Variants in EYS observed in about 807,000 individuals in gnomAD.
EYS encodes the protein protein eyes shut homolog.
EYS carries 250 observed loss-of-function variants against 282.1 expected under a neutral mutation model. The observed-to-expected ratio is 0.89, with a 90% CI of 0.80 to 0.98. EYS has a LOEUF of 0.98. Among genes scored for constraint, EYS ranks in the 50% least tolerant of loss-of-function variants. The probability of loss-of-function intolerance (pLI) is 0.00; values close to 1 mark genes in which losing one functional copy is unlikely to be tolerated. For synonymous variants in EYS, 1,355 were observed against 1,282.9 expected, an observed-to-expected ratio of 1.06 and a Z score of -1.20; for missense variants, 4,016 against 3,709.0, an observed-to-expected ratio of 1.08 and a Z score of -2.15.
At chr6:64,149,846 T>G (rs1343845786) in intron 31 of EYS, among the ~76,000 whole-genome samples, 1 of 152,220 alleles carries the variant, frequency 6.6e-6, no homozygotes, top group East Asian at 1.9e-4. Context: ...TGTGTGACAC[T>G]GAGCATGGAT....
intron 14 of EYS, among the ~76,000 whole-genome samples, chr6:64,964,254 C>T (rs1274256974): frequency 1.3e-5 from 2 of 152,126 alleles, no homozygotes; most frequent in Non-Finnish European, 2.9e-5. Flanking sequence ...TTTATTTCCT[C>T]TTTAATTTGG....
chr6:65,038,616 G>A (rs1022459069), intron 13 of EYS, among the ~76,000 whole-genome samples: 1 of 151,332 alleles, frequency 6.6e-6, no homozygotes, highest in Non-Finnish European at 1.5e-5. Context: ...TAGCATAGGT[G>A]TATGTTTAAT....
intron 24 of EYS, among the ~76,000 whole-genome samples, chr6:64,599,492 G>C (rs1027666555): frequency 6.6e-6 from 1 of 152,098 alleles, no homozygotes; most frequent in Non-Finnish European, 1.5e-5. Flanking sequence ...AATTAAAGAA[G>C]ACAAGCAAAT....
chr6:64,306,049 C>A (rs752564975), intron 30 of EYS, among the ~76,000 whole-genome samples: 1 of 151,904 alleles, frequency 6.6e-6, no homozygotes, highest in African/African-American at 2.4e-5. Context: ...CAATCCAATT[C>A]GAAAATGGAC....
chr6:64,858,638 A>G (rs1363907066), intron 19 of EYS, among the ~76,000 whole-genome samples: 1 of 152,124 alleles, frequency 6.6e-6, no homozygotes, highest in Non-Finnish European at 1.5e-5. Flanking sequence ...GAAAAACAAC[A>G]TGACTAATTG....
At chr6:65,431,822 A>G (rs1398314667) in intron 5 of EYS, among the ~76,000 whole-genome samples, 1 of 152,174 alleles carries the variant, frequency 6.6e-6, no homozygotes, top group Non-Finnish European at 1.5e-5. Context: ...TTTAACATTA[A>G]ACTCATGAAT....
At chr6:64,436,295 C>T in intron 27 of EYS, 30 bp from the exon 28 acceptor site, 1 of 1,211,106 alleles carries the variant, frequency 8.3e-7, no homozygotes, top group Non-Finnish European at 1.2e-6. Context: ...TGTCCTCAAA[C>T]AGTTTTTCAG....
chr6:64,096,701 C>T (rs1364494660), intron 31 of EYS, among the ~76,000 whole-genome samples: 1 of 152,148 alleles, frequency 6.6e-6, no homozygotes, highest in Non-Finnish European at 1.5e-5. Flanking sequence ...TTCAAACTTC[C>T]TCCTTTTAGC....
chr6:65,094,870 A>G (rs1774693345), intron 12 of EYS, among the ~76,000 whole-genome samples: 1 of 151,298 alleles, frequency 6.6e-6, no homozygotes, highest in Non-Finnish European at 1.5e-5. Flanking sequence ...ATAAGATTTG[A>G]AGATAAATAG....
At chr6:65,309,990 C>A (rs1482331738) in intron 11 of EYS, among the ~76,000 whole-genome samples, 1 of 152,182 alleles carries the variant, frequency 6.6e-6, no homozygotes, top group Non-Finnish European at 1.5e-5. Flanking sequence ...TTTCAGTATG[C>A]ATTGGATCAC....
intron 26 of EYS, among the ~76,000 whole-genome samples, chr6:64,476,372 A>AT (rs1562015835): frequency 1.3e-5 from 2 of 152,030 alleles, no homozygotes; most frequent in African/African-American, 2.4e-5. Flanking sequence ...TATTAATATT[A>AT]TTTTTTGAAG....
At chr6:64,888,572 T>A (rs537634286) in intron 18 of EYS, among the ~76,000 whole-genome samples, 1 of 151,660 alleles carries the variant, frequency 6.6e-6, no homozygotes, top group Non-Finnish European at 1.5e-5. Context: ...GGTGAAAGAG[T>A]AGAGTATTTC....
chr6:65,279,940 A>G (rs751890021), intron 12 of EYS, among the ~76,000 whole-genome samples: 6 of 152,204 alleles, frequency 3.9e-5, no homozygotes, highest in Non-Finnish European at 7.4e-5. Context: ...CTAGGAGACA[A>G]TCTCTGAATA....
chr6:64,555,959 A>G (rs1204732247), intron 26 of EYS, among the ~76,000 whole-genome samples: 1 of 151,990 alleles, frequency 6.6e-6, no homozygotes, highest in East Asian at 1.9e-4. Flanking sequence ...TAGAATAGCA[A>G]AAATTAAAAG....
intron 12 of EYS, among the ~76,000 whole-genome samples, chr6:65,111,406 C>T (rs1171154179): frequency 6.6e-6 from 1 of 152,102 alleles, no homozygotes; most frequent in East Asian, 1.9e-4. Context: ...GAGAAAACTT[C>T]CTAGCAATAT....
At chr6:64,985,579 T>A (rs1350236328) in intron 14 of EYS, among the ~76,000 whole-genome samples, 2 of 151,588 alleles carry the variant, frequency 1.3e-5, no homozygotes, top group East Asian at 3.9e-4. Flanking sequence ...AAAACCTTTT[T>A]TACAAAAAGA....
At chr6:63,895,012 G>A (rs1324100658) in intron 35 of EYS, among the ~76,000 whole-genome samples, 3 of 151,870 alleles carry the variant, frequency 2.0e-5, no homozygotes, top group African/African-American at 2.4e-5. Context: ...TTGCCTGGCC[G>A]TCTTCTGTGG....
intron 12 of EYS, among the ~76,000 whole-genome samples, chr6:65,161,309 C>T (rs1317154397): frequency 1.3e-5 from 2 of 150,982 alleles, no homozygotes; most frequent in African/African-American, 4.8e-5. Context: ...AAATTCAGCT[C>T]AAATGTCATC....
chr6:64,207,796 T>A (rs1765653603), intron 31 of EYS, among the ~76,000 whole-genome samples: 1 of 152,182 alleles, frequency 6.6e-6, no homozygotes, highest in South Asian at 2.1e-4. Flanking sequence ...TACCTGGGAT[T>A]ACAGGCATGT....
Sources: allele counts gnomAD v4.1 joint callset (sites outside exome capture counted in the v4.1 genomes callset), GRCh38; gene constraint gnomAD v4.1.1; transcripts MANE v1.5; gene names NCBI Gene and HGNC (gene_info 2026-07-23, HGNC 2026-07-21).